The following EIF2AK2 variants were observed in gnomAD, a reference collection of about 807,000 sequenced individuals.
EIF2AK2 encodes the protein interferon-induced, double-stranded RNA-activated protein kinase.
Under a neutral mutation model 70.5 loss-of-function variants are expected in EIF2AK2, and 40 were observed. That is an observed-to-expected ratio of 0.57 (90% CI 0.44 to 0.74). The LOEUF is 0.74. Ranked by LOEUF, EIF2AK2 falls within the 30% of genes least tolerant of loss-of-function variation. EIF2AK2 has a pLI of 0.00. For synonymous variants in EIF2AK2, 198 were observed against 220.9 expected, an observed-to-expected ratio of 0.90 and a Z score of 0.92; for missense variants, 555 against 644.3, an observed-to-expected ratio of 0.86 and a Z score of 1.50.
Position 37,107,059 on chromosome 2 carries a change from T to TAAA in EIF2AK2, c.*211_*213dup. ...TCTGTCTTTAAAAAAAAAAAAAGAA[T>TAAA]AAAGAGATGAGCCAGGAAAAAGTAA... is the stretch of plus-strand genomic sequence containing the variant. On this transcript the variant is annotated 3_prime_UTR_variant, in exon 17 of 17. Transcript: ENST00000233057. 2.1e-6 allele frequency: 1 copy of TAAA among 473,162 alleles called. No homozygotes were observed. The highest frequency in any genetic ancestry group is 4.6e-5 in the East Asian group (1 of 21,884). The allele number at this position is 473,162 out of a possible 1,614,324, so 29.3% of individuals were successfully genotyped here.
chr2:37,152,879 G>A (rs779322977), intron 1 of EIF2AK2, among the ~76,000 whole-genome samples: 22 of 152,166 alleles, frequency 1.4e-4, no homozygotes, highest in Non-Finnish European at 2.9e-4. Flanking sequence ...TCCTTTCACA[G>A]GAAATGAGTC....
intron 8 of EIF2AK2, among the ~76,000 whole-genome samples, chr2:37,137,871 G>A (rs895083081): frequency 6.6e-6 from 1 of 152,124 alleles, no homozygotes; most frequent in Non-Finnish European, 1.5e-5. Flanking sequence ...CCAGCACTTG[G>A]GGAGGCCGAG....
intron 10 of EIF2AK2, among the ~76,000 whole-genome samples, chr2:37,131,079 G>T (rs1674923269): frequency 1.3e-5 from 2 of 152,134 alleles, no homozygotes; most frequent in African/African-American, 4.8e-5. Flanking sequence ...GGATATTTCT[G>T]ATTATAGATA....
chr2:37,117,837 G>C (rs1021552151), intron 13 of EIF2AK2, among the ~76,000 whole-genome samples: 1 of 152,176 alleles, frequency 6.6e-6, no homozygotes, highest in African/African-American at 2.4e-5. Context: ...GGAGACTTTT[G>C]TAAGAGGGGC....
chr2:37,142,532 GT>G (rs1675371583), intron 4 of EIF2AK2, among the ~76,000 whole-genome samples: 1 of 150,224 alleles, frequency 6.7e-6, no homozygotes, highest in Non-Finnish European at 1.5e-5. Context: ...TTCAACCATT[GT>G]TATTTTCTTT....
In EIF2AK2 at chr2:37,117,211, CAAAAAAAAAAAAAAAAGAAAAAAG is replaced by C. The variant is rs1674375787; in HGVS notation, c.1249-2376_1249-2353del. On this transcript the variant is annotated intron_variant, in intron 13 of 16. Transcript: ENST00000233057. The stretch of plus-strand genomic sequence containing the variant: ...CTGGGCAACAGAGGAGACTCTGTCT[CAAAAAAAAAAAAAAAAGAAAAAAG>C]AAAAAAAGAAAAGAAAAAGAAGCTG... Among the ~76,000 whole-genome samples the C allele has an allele frequency of 4.5e-5, 2 of 44,234 alleles. 1 individual carries two copies. The allele number at this position is 44,234 out of a possible 152,430, so 29.0% of individuals were successfully genotyped here.
At position 37,122,406 on chromosome 2, in the gene EIF2AK2, A is replaced by C; in HGVS notation, c.1067+100T>G. 3 of 1,267,494 alleles carry C rather than the reference A, an allele frequency of 2.4e-6. No individual in the cohort carries two copies. The South Asian group carries it at 4.4e-5, about 19-fold the overall frequency. 78.5% of individuals were successfully genotyped at this position (1,267,494 alleles called of 1,614,324 possible). On this transcript the variant is annotated intron_variant, in intron 12 of 16. Transcript: ENST00000233057. ...GTGTCTCTCAGAGGGAATTGTGATAATTAATCGTGATGATTAATAGCCTTA... is the reference window on the plus strand; with the variant it reads ...GTGTCTCTCAGAGGGAATTGTGATACTTAATCGTGATGATTAATAGCCTTA...
chr2:37,137,709 A>T, intron 8 of EIF2AK2, among the ~76,000 whole-genome samples: 1 of 152,214 alleles, frequency 6.6e-6, no homozygotes, highest in African/African-American at 2.4e-5. Flanking sequence ...TCCCATTGGT[A>T]GGAGAGAAAA....
intron 14 of EIF2AK2, among the ~76,000 whole-genome samples, chr2:37,109,781 C>T (rs771322762): frequency 6.6e-6 from 1 of 152,072 alleles, no homozygotes; most frequent in Non-Finnish European, 1.5e-5. Flanking sequence ...AAAGTTTTTC[C>T]AGAAGATATT....
intron 10 of EIF2AK2, 104 bp from the exon 11 acceptor site, chr2:37,126,515 A>G: frequency 6.8e-7 from 1 of 1,477,942 alleles, no homozygotes; most frequent in South Asian, 1.4e-5. Context: ...ATGGACAATA[A>G]AACAAATTTG....
At position 37,101,150 on chromosome 2, in the gene EIF2AK2, C is replaced by T. The variant is rs780673055; in HGVS notation, c.*6123G>A. The T allele has an allele frequency of 7.2e-5, 11 of 152,212 alleles. No individual in the cohort carries two copies. Among genetic ancestry groups the T allele is most frequent in the Non-Finnish European group, 1.6e-4 (11 of 68,054 alleles). The allele number at this position is 152,212 out of a possible 1,614,324, so 9.4% of individuals were successfully genotyped here. A position where few individuals can be genotyped will look rare whatever the true frequency, so the allele number is the denominator to read the frequency against. On this transcript the variant is annotated 3_prime_UTR_variant, in exon 17 of 17. Transcript: ENST00000233057. Reference sequence around the variant, plus strand: ...AAATATAGTTTCCTCCTGCTCTATTCTAAACATGCTAGTTTCAAAGTATTG... The same window carrying T: ...AAATATAGTTTCCTCCTGCTCTATTTTAAACATGCTAGTTTCAAAGTATTG...
intron 9 of EIF2AK2, 36 bp from the exon 10 acceptor site, chr2:37,135,582 A>T (rs1675099779): frequency 1.3e-6 from 2 of 1,544,106 alleles, no homozygotes; most frequent in African/African-American, 2.8e-5. Context: ...ACTCAAATAA[A>T]ATTGAAATCA....
At position 37,105,087 on chromosome 2, in the gene EIF2AK2, G is replaced by A. The variant is rs1558403632; in HGVS notation, c.*2186C>T. ...GAAAAATCTATGAACTGCTCTTTAT[G>A]AACACTTTTTAAAGCCTTTATAAAA... On this transcript the variant is annotated 3_prime_UTR_variant, in exon 17 of 17. Coordinates refer to ENST00000233057, the MANE Select transcript of EIF2AK2 (RefSeq NM_001135651.3). 2.0e-5 allele frequency: 3 copies of A among 152,170 alleles called. No homozygotes were observed. The South Asian group carries it at 6.2e-4, about 32-fold the overall frequency. 9.4% of individuals were successfully genotyped at this position (152,170 alleles called of 1,614,324 possible). A position where few individuals can be genotyped will look rare whatever the true frequency, so the allele number is the denominator to read the frequency against.
At chr2:37,127,426 C>A (rs1360584122) in intron 10 of EIF2AK2, among the ~76,000 whole-genome samples, 1 of 152,162 alleles carries the variant, frequency 6.6e-6, no homozygotes, top group African/African-American at 2.4e-5. Context: ...AACAAAAAGC[C>A]CTTAAATGGC....
At chr2:37,129,375 G>A (rs1433762470) in intron 10 of EIF2AK2, among the ~76,000 whole-genome samples, 1 of 151,996 alleles carries the variant, frequency 6.6e-6, no homozygotes, top group Non-Finnish European at 1.5e-5. Flanking sequence ...TGCAGTCTTT[G>A]GGGACACTGG....
chr2:37,156,910 G>GCGCCGC lies in EIF2AK2; in HGVS notation c.-192_-187dup, dbSNP rs564207041. On this transcript the variant is annotated 5_prime_UTR_variant, in exon 1 of 17. Transcript: ENST00000233057. The stretch of plus-strand genomic sequence containing the variant: ...CGGCTGCCCCCTGCCCTGCTCACCT[G>GCGCCGC]CGCCGCCGCCGCCGCCGCCGCCGCC... The GCGCCGC allele has an allele frequency of 7.8e-3, 1,432 of 182,928 alleles. 18 individuals carry two copies. Among genetic ancestry groups the GCGCCGC allele is most frequent in the African/African-American group, 0.032 (1,312 of 41,406 alleles). 11.3% of individuals were successfully genotyped at this position (182,928 alleles called of 1,614,324 possible).
At chr2:37,123,263 T>A (rs1452495188) in intron 11 of EIF2AK2, among the ~76,000 whole-genome samples, 2 of 152,128 alleles carry the variant, frequency 1.3e-5, no homozygotes, top group East Asian at 3.9e-4. Flanking sequence ...GATGTCATTT[T>A]AATTAATTTA....
chr2:37,143,586 C>T (rs185731928), intron 4 of EIF2AK2, among the ~76,000 whole-genome samples: 177 of 152,122 alleles, frequency 1.2e-3, no homozygotes, highest in African/African-American at 4.2e-3. Flanking sequence ...AACAATACAG[C>T]ATAACAACTA....
chr2:37,139,535 C>G (rs969142269), intron 6 of EIF2AK2, 96 bp downstream of exon 6: 29 of 1,499,846 alleles, frequency 1.9e-5, no homozygotes, highest in Non-Finnish European at 2.3e-5. Flanking sequence ...TGCTAAATCA[C>G]TGGCTGTCTT....
Sources: allele counts gnomAD v4.1 joint callset (sites outside exome capture counted in the v4.1 genomes callset), GRCh38; gene constraint gnomAD v4.1.1; transcripts MANE v1.5; gene names NCBI Gene and HGNC (gene_info 2026-07-23, HGNC 2026-07-21).